The following MYH14 variants were observed in gnomAD, a reference collection of about 807,000 sequenced individuals.
The protein encoded by MYH14 is myosin-14.
MYH14 carries 123 observed loss-of-function variants against 255.5 expected under a neutral mutation model. That is an observed-to-expected ratio of 0.48 (90% CI 0.42 to 0.56). MYH14 has a LOEUF of 0.56. Among genes scored for constraint, MYH14 ranks in the 20% least tolerant of loss-of-function variants. The pLI is 0.00. For missense variants in MYH14, 2,423 were observed against 2,802.3 expected, an observed-to-expected ratio of 0.86 and a Z score of 3.06; for synonymous variants, 1,095 against 1,161.2, an observed-to-expected ratio of 0.94 and a Z score of 1.16.
At chr19:50,232,184 G>GCT in intron 10 of MYH14, 114 bp downstream of exon 10, 1 of 1,340,978 alleles carries the variant, frequency 7.5e-7, no homozygotes, top group Non-Finnish European at 1.0e-6. Flanking sequence ...CCTACTGGGT[G>GCT]CAGGCACCGG....
Position 50,230,729 on chromosome 19 carries a change from G to A in MYH14, c.973+106G>A, listed in dbSNP as rs190048709. ...GCAAGAGTGGGGGGCTCTAATATCC[G>A]TCAAACACCGACTTCGCATGAGGCT... On this transcript the variant is annotated intron_variant, in intron 9 of 42. Coordinates refer to ENST00000642316, the MANE Select transcript of MYH14 (RefSeq NM_001145809.2). This position sits in a 1 kb window ranked among gnomAD's most constrained non-coding sequence, Gnocchi z 4.7. 1,255 of 901,322 alleles carry A rather than the reference G, an allele frequency of 1.4e-3. 14 individuals are homozygous for A. In the East Asian group the frequency reaches 0.021, roughly 15 times the overall value. 55.8% of individuals were successfully genotyped at this position (901,322 alleles called of 1,614,324 possible). A position where few individuals can be genotyped will look rare whatever the true frequency, so the allele number is the denominator to read the frequency against.
chr19:50,228,613 T>A lies in MYH14; in HGVS notation c.874+1647T>A, dbSNP rs959773680. The stretch of plus-strand genomic sequence containing the variant: ...GCTCATGGCTGCTCCTTCCTCCAGG[T>A]CCTCTTGCCCTTGGCTCCCACCTCT... On this transcript the variant is annotated intron_variant, in intron 8 of 42. Transcript: ENST00000642316. Among the ~76,000 whole-genome samples, 4 of 152,226 alleles carry A rather than the reference T, an allele frequency of 2.6e-5. No individual in the cohort carries two copies. The East Asian group carries it at 7.7e-4, about 29-fold the overall frequency.
rs2123420203 is a variant in MYH14 at position 50,280,379 on chromosome 19, C to T, written c.4286C>T (p.Ala1429Val). Residue 1429 changes from alanine to valine, a missense_variant, in exon 32 of 43, where the codon GCC becomes GTC. Physicochemically the swap from Ala to Val is moderately conservative, Grantham distance 64. Transcript: ENST00000642316. The surrounding 1 kb of genome is among the most constrained non-coding windows in gnomAD (Gnocchi z 4.8). Reference protein sequence around the residue: ...RAGRELQTAQAQLSEWRRRQE... With the variant: ...RAGRELQTAQVQLSEWRRRQE... ...GGCCGTGAACTGCAGACTGCCCAGG[C>T]CCAGGTGAGCAGCCCTACGTAAGAC... 6.5e-7 allele frequency: 1 copy of T among 1,536,852 alleles called. No individual in the cohort carries two copies. The highest frequency in any genetic ancestry group is 2.0e-5 in the Admixed American group (1 of 50,360).
Position 50,293,013 on chromosome 19 carries a change from T to A in MYH14, c.5257-220T>A, listed in dbSNP as rs2123456186. ...TGTGTGCAGTAAAAGGTGGAGAGGG[T>A]GAGGGGCCTGGGGGTTGGGCTGCAA... is the stretch of plus-strand genomic sequence containing the variant. On this transcript the variant is annotated intron_variant, in intron 37 of 42. Transcript: ENST00000642316. This position sits in a 1 kb window ranked among gnomAD's most constrained non-coding sequence, Gnocchi z 4.1. Among the ~76,000 whole-genome samples the A allele has an allele frequency of 6.7e-6, 1 of 150,234 alleles. No individual in the cohort carries two copies. The highest frequency in any genetic ancestry group is 2.0e-4 in the East Asian group (1 of 5,072).
intron 23 of MYH14, 64 bp from the exon 24 acceptor site, chr19:50,268,097 C>A: frequency 6.6e-7 from 1 of 1,506,894 alleles, no homozygotes; most frequent in South Asian, 1.3e-5. Context: ...AGGCAGTAGG[C>A]ACCCAGTGCA....
At chr19:50,208,287 C>T (rs879606894) in intron 1 of MYH14, among the ~76,000 whole-genome samples, 1 of 152,094 alleles carries the variant, frequency 6.6e-6, no homozygotes, top group Non-Finnish European at 1.5e-5. Context: ...TAGAGGCATG[C>T]GCCTGTAATC....
chr19:50,248,905 G>A, intron 12 of MYH14, 82 bp from the exon 13 acceptor site: 1 of 1,490,572 alleles, frequency 6.7e-7, no homozygotes, highest in Non-Finnish European at 9.2e-7. Flanking sequence ...GACGAGCTGG[G>A]GGCCCTTCCC....
At chr19:50,286,284 C>A in intron 33 of MYH14, 198 bp from the exon 34 acceptor site, 1 of 569,454 alleles carries the variant, frequency 1.8e-6, no homozygotes, top group Non-Finnish European at 3.2e-6. Flanking sequence ...AGGGACTGAT[C>A]AGTTTGATCC....
intron 27 of MYH14, among the ~76,000 whole-genome samples, chr19:50,273,286 GTC>G (rs2035379258): frequency 1.3e-5 from 1 of 74,428 alleles, no homozygotes; most frequent in African/African-American, 6.0e-5. Flanking sequence ...GCAAGACTAT[GTC>G]TCAAAAAAAA....
At chr19:50,225,491 TACTC>T (rs1441352508) in intron 6 of MYH14, 90 bp from the exon 7 acceptor site, 5 of 906,988 alleles carry the variant, frequency 5.5e-6, no homozygotes, top group East Asian at 2.6e-5. Context: ...CACACACAGA[TACTC>T]AGTCAGCTGG....
chr19:50,309,496 A>C (rs1601082500), intron 42 of MYH14, 144 bp from the exon 43 acceptor site: 26 of 566,594 alleles, frequency 4.6e-5, no homozygotes, highest in Middle Eastern at 4.6e-4. Flanking sequence ...ATTTCTCTTG[A>C]TCTCATCCCT....
At chr19:50,277,538 G>A (rs1052192737) in intron 29 of MYH14, among the ~76,000 whole-genome samples, 4 of 152,128 alleles carry the variant, frequency 2.6e-5, no homozygotes, top group African/African-American at 9.7e-5. Flanking sequence ...AACCCAAGAA[G>A]CAGAGGTTGA....
Position 50,234,059 on chromosome 19 carries a change from A to G in MYH14, c.1114+1989A>G, listed in dbSNP as rs547178823. Among the ~76,000 whole-genome samples, 3 of 151,566 alleles carry G rather than the reference A, an allele frequency of 2.0e-5. No homozygotes were observed. The East Asian group carries it at 5.9e-4, about 30-fold the overall frequency. On this transcript the variant is annotated intron_variant, in intron 10 of 42. Coordinates refer to ENST00000642316, the MANE Select transcript of MYH14 (RefSeq NM_001145809.2). ...GGTCTCGAACTGCTGACTTCAAGTG[A>G]TCCTCCCGCCTCCGCCTCCCAAAGT...
intron 8 of MYH14, among the ~76,000 whole-genome samples, chr19:50,227,935 C>T (rs1328080621): frequency 6.6e-6 from 1 of 152,114 alleles, no homozygotes; most frequent in African/African-American, 2.4e-5. Flanking sequence ...AATGCTTGGC[C>T]ACAGCACCTG....
At chr19:50,214,776 G>A (rs981458885) in intron 2 of MYH14, among the ~76,000 whole-genome samples, 6 of 152,056 alleles carry the variant, frequency 3.9e-5, no homozygotes, top group African/African-American at 1.4e-4. Context: ...GCCAGACTCT[G>A]TCCCACCCGC....
intron 10 of MYH14, among the ~76,000 whole-genome samples, chr19:50,236,468 G>C (rs2033660804): frequency 6.6e-6 from 1 of 152,178 alleles, no homozygotes; most frequent in African/African-American, 2.4e-5. Flanking sequence ...CCAGCACTTT[G>C]GGAGGCCGAG....
intron 29 of MYH14, among the ~76,000 whole-genome samples, chr19:50,277,474 C>T (rs1262838937): frequency 6.6e-6 from 1 of 151,202 alleles, no homozygotes; most frequent in Admixed American, 6.6e-5. Flanking sequence ...GGCGTGGTGG[C>T]ACACACGCCT....
chr19:50,272,846 C>A, intron 27 of MYH14, 115 bp downstream of exon 27: 1 of 1,039,860 alleles, frequency 9.6e-7, no homozygotes, highest in Non-Finnish European at 1.4e-6. Context: ...ACTCACCAGC[C>A]ACAGACAGGC....
chr19:50,210,582 G>A lies in MYH14; in HGVS notation c.217G>A (p.Glu73Lys), dbSNP rs2032132560. Residue 73 changes from glutamate (E) to lysine (K), a missense_variant, in exon 2 of 43, where the codon GAA (glutamate) becomes AAA (lysine). Physicochemically the swap from Glu to Lys is moderately conservative, Grantham distance 56 (BLOSUM62 1). Transcript: ENST00000642316. ...HGFEAAALRDEGEEEAEVELA... is the reference protein window; with the variant it reads ...HGFEAAALRDKGEEEAEVELA... ...GTTCGAGGCGGCGGCGCTGCGGGAC[G>A]AAGGCGAGGAGGAGGCGGAGGTGGA... is the stretch of plus-strand genomic sequence containing the variant. The A allele has an allele frequency of 6.3e-7, 1 of 1,576,330 alleles. No homozygotes were observed. Among genetic ancestry groups the A allele is most frequent in the Non-Finnish European group, 8.6e-7 (1 of 1,162,040 alleles).
Sources: gnomAD v4.1 joint callset for allele counts (sites outside exome capture counted in the v4.1 genomes callset) on GRCh38, gnomAD v4.1.1 for gene constraint, Gnocchi (gnomAD v3.1) non-coding constraint, MANE v1.5 for transcripts, NCBI Gene and HGNC (gene_info 2026-07-23, HGNC 2026-07-21) for gene names.